MALRD1: variants seen among roughly 807,000 people sequenced by gnomAD.
MALRD1 encodes MAM and LDL-receptor class A domain-containing protein 1.
Under a neutral mutation model 242.1 loss-of-function variants are expected in MALRD1, and 247 were observed. The ratio of observed to expected loss-of-function variants is 1.02; its 90% CI spans 0.92 to 1.13. MALRD1 has a LOEUF of 1.13. MALRD1 is among the 50% of genes most tolerant of loss of function. The pLI is 0.00. For missense variants in MALRD1, 2,989 were observed against 2,533.1 expected (o/e 1.18, Z -3.86); for synonymous variants, 995 against 866.6 (o/e 1.15, Z -2.60).
chr10:19,428,889 T>C (rs1834008474), intron 28 of MALRD1, among the ~76,000 whole-genome samples: 2 of 152,144 alleles, frequency 1.3e-5, no homozygotes, highest in South Asian at 4.1e-4. Flanking sequence ...TGAAGCTCTT[T>C]AAAAAAATTG....
At chr10:19,628,840 T>G (rs747530867) in intron 36 of MALRD1, among the ~76,000 whole-genome samples, 1 of 152,210 alleles carries the variant, frequency 6.6e-6, no homozygotes. Flanking sequence ...CAGAGTCAGT[T>G]GGCTGCTTCT....
intron 32 of MALRD1, among the ~76,000 whole-genome samples, chr10:19,542,081 A>G (rs1834997261): frequency 6.6e-6 from 1 of 152,192 alleles, no homozygotes; most frequent in African/African-American, 2.4e-5. Flanking sequence ...TTGAAGAGTT[A>G]TGCAACTAAA....
At chr10:19,275,484 C>G (rs2484100) in intron 19 of MALRD1, among the ~76,000 whole-genome samples, 28,034 of 151,948 alleles carry the variant, frequency 0.18, 2,725 homozygotes, top group Admixed American at 0.22. Flanking sequence ...CTGGTTAACA[C>G]AGTGAAACCC....
At chr10:19,600,708 G>A (rs986714244) in intron 34 of MALRD1, among the ~76,000 whole-genome samples, 1 of 152,072 alleles carries the variant, frequency 6.6e-6, no homozygotes, top group African/African-American at 2.4e-5. Context: ...AACGATAATC[G>A]ATTAAGAAAT....
chr10:19,359,772 AATT>A (rs749212043), intron 26 of MALRD1, among the ~76,000 whole-genome samples: 1 of 149,640 alleles, frequency 6.7e-6, no homozygotes, highest in African/African-American at 2.5e-5. Flanking sequence ...AAAAAAAAAT[AATT>A]AAAGAACTCT....
At chr10:19,582,169 G>A (rs1837161683) in intron 33 of MALRD1, among the ~76,000 whole-genome samples, 1 of 151,924 alleles carries the variant, frequency 6.6e-6, no homozygotes, top group African/African-American at 2.4e-5. Flanking sequence ...CCATTCTGTA[G>A]GTTGCCTGTT....
rs544984143 is a variant in MALRD1, at chr10:19,120,217, G to T, written c.695-3275G>T. Among the ~76,000 whole-genome samples, 10 of 151,928 alleles carry T rather than the reference G, an allele frequency of 6.6e-5. No homozygotes were observed. In the South Asian group the frequency reaches 1.9e-3, roughly 28 times the overall value. Reference sequence around the variant, plus strand: ...GCAGATGAGGGAAAACCACAAGAGAGACTGAGAAAAAAAATAGGTGGTAAC... The same window carrying T: ...GCAGATGAGGGAAAACCACAAGAGATACTGAGAAAAAAAATAGGTGGTAAC... On this transcript the variant is annotated intron_variant, in intron 5 of 39. Coordinates refer to ENST00000454679, the MANE Select transcript of MALRD1 (RefSeq NM_001142308.3).
At chr10:19,603,287 G>C (rs1173822679) in intron 34 of MALRD1, among the ~76,000 whole-genome samples, 1 of 152,156 alleles carries the variant, frequency 6.6e-6, no homozygotes, top group Non-Finnish European at 1.5e-5. Context: ...GTTCTGAATG[G>C]AATTGCCTAG....
intron 33 of MALRD1, among the ~76,000 whole-genome samples, chr10:19,590,144 C>T (rs1469244775): frequency 6.6e-6 from 1 of 151,942 alleles, no homozygotes; most frequent in East Asian, 1.9e-4. Flanking sequence ...TGAATTGCTA[C>T]ATTCTCAAAT....
intron 26 of MALRD1, among the ~76,000 whole-genome samples, chr10:19,375,767 G>A (rs1827370901): frequency 6.6e-6 from 1 of 152,110 alleles, no homozygotes; most frequent in Admixed American, 6.6e-5. Flanking sequence ...AACAAAAACA[G>A]ACTAGTTAAT....
intron 38 of MALRD1, among the ~76,000 whole-genome samples, chr10:19,704,001 C>T (rs1193308736): frequency 1.3e-5 from 2 of 152,152 alleles, no homozygotes; most frequent in Admixed American, 1.3e-4. Context: ...CCATTGCTTT[C>T]CTTTTTAGAC....
At chr10:19,274,414 T>C (rs1840400769) in intron 19 of MALRD1, among the ~76,000 whole-genome samples, 1 of 152,144 alleles carries the variant, frequency 6.6e-6, no homozygotes, top group African/African-American at 2.4e-5. Flanking sequence ...TGTGGGATAA[T>C]TAGGTCAGGA....
At chr10:19,584,256 C>T (rs920322051) in intron 33 of MALRD1, among the ~76,000 whole-genome samples, 4 of 151,912 alleles carry the variant, frequency 2.6e-5, no homozygotes, top group African/African-American at 9.7e-5. Flanking sequence ...TTATTTCTTG[C>T]CTTCTGTTAG....
intron 5 of MALRD1, among the ~76,000 whole-genome samples, chr10:19,104,441 T>C (rs1229350133): frequency 6.6e-6 from 1 of 152,174 alleles, no homozygotes; most frequent in Non-Finnish European, 1.5e-5. Context: ...GGTTTGATTA[T>C]TCTGCTGAAA....
chr10:19,112,150 ATT>A lies in MALRD1; in HGVS notation c.694+8093_694+8094del, dbSNP rs5783654. ...CTGAATTTTAAATAAGATTCTCAGG[ATT>A]TTTTTTTTTTTTTTTTTATGAAGCC... On this transcript the variant is annotated intron_variant, in intron 5 of 39. Transcript: ENST00000454679. Among the ~76,000 whole-genome samples, 1,246 of 139,980 alleles carry A rather than the reference ATT, an allele frequency of 8.9e-3. 11 individuals are homozygous for A. The highest frequency in any genetic ancestry group is 0.022 in the African/African-American group (849 of 37,780). The allele number at this position is 139,980 out of a possible 152,430, so 91.8% of individuals were successfully genotyped here.
In MALRD1 at chr10:19,127,298, G is replaced by A. The variant is rs77470858; in HGVS notation, c.944-923G>A. On this transcript the variant is annotated intron_variant, in intron 7 of 39. Transcript: ENST00000454679. ...CCTTGCAGGTGCCTTGTAATTTTTT[G>A]TTGAAAGTCAGGCATGATTTACTGT... 5.2e-3 allele frequency among the ~76,000 whole-genome samples: 797 copies of A among 152,132 alleles called. 12 individuals carry two copies. In the East Asian group the frequency reaches 0.064, roughly 12 times the overall value.
intron 27 of MALRD1, among the ~76,000 whole-genome samples, 166 bp downstream of exon 27, chr10:19,387,939 G>T (rs1360260183): frequency 6.6e-6 from 1 of 152,150 alleles, no homozygotes; most frequent in Non-Finnish European, 1.5e-5. Flanking sequence ...CTGTAAGAAA[G>T]GGCCACAGAG....
chr10:19,088,593 T>TTTTTA (rs1835770263), intron 4 of MALRD1, among the ~76,000 whole-genome samples: 8 of 85,756 alleles, frequency 9.3e-5, no homozygotes, highest in African/African-American at 3.1e-4. Context: ...TTATTTATTT[T>TTTTTA]TTTTTATTAT....
In MALRD1 at chr10:19,238,526, A is replaced by T. The variant is rs1431420811; in HGVS notation, c.2992-19158A>T. Among the ~76,000 whole-genome samples, 4 of 89,168 alleles carry T rather than the reference A, an allele frequency of 4.5e-5. 1 individual carries two copies. The highest frequency in any genetic ancestry group is 6.3e-5 in the Non-Finnish European group (3 of 47,292). 58.5% of individuals were successfully genotyped at this position (89,168 alleles called of 152,430 possible). A position where few individuals can be genotyped will look rare whatever the true frequency, so the allele number is the denominator to read the frequency against. On this transcript the variant is annotated intron_variant, in intron 18 of 39. Transcript: ENST00000454679. ...ATAATATATAATGTATATTATATAT[A>T]ATATACATTATATATAATATATAAT... is the stretch of plus-strand genomic sequence containing the variant.
Sources: gnomAD v4.1 joint callset for allele counts (sites outside exome capture counted in the v4.1 genomes callset) on GRCh38, gnomAD v4.1.1 for gene constraint, MANE v1.5 for transcripts, NCBI Gene and HGNC (gene_info 2026-07-23, HGNC 2026-07-21) for gene names.